Variants in VGLL4 observed in about 807,000 individuals in gnomAD.
The protein encoded by VGLL4 is transcription cofactor vestigial-like protein 4.
In VGLL4, 7 loss-of-function variants were observed where a neutral mutation model predicts 21.0. The ratio of observed to expected loss-of-function variants is 0.33; its 90% CI spans 0.19 to 0.63. VGLL4 has a LOEUF of 0.63. Among genes scored for constraint, VGLL4 ranks in the 20% least tolerant of loss-of-function variants. The pLI, the probability that VGLL4 is intolerant of heterozygous loss-of-function variation, is 0.78. For synonymous variants in VGLL4, 222 were observed against 173.2 expected, an observed-to-expected ratio of 1.28 and a Z score of -2.21; for missense variants, 394 against 425.7, an observed-to-expected ratio of 0.93 and a Z score of 0.66.
intron 2 of VGLL4, among the ~76,000 whole-genome samples, chr3:11,687,180 T>C (rs2076461081): frequency 1.3e-5 from 2 of 152,198 alleles, no homozygotes; most frequent in African/African-American, 4.8e-5. Flanking sequence ...CTCTTATCTT[T>C]CAAAATTTTT....
At chr3:11,567,047 C>T (rs573768273) in intron 2 of VGLL4, among the ~76,000 whole-genome samples, 10 of 152,212 alleles carry the variant, frequency 6.6e-5, no homozygotes, top group African/African-American at 1.9e-4. Flanking sequence ...AGTCGGTGAG[C>T]TGCTAAGGGC....
At chr3:11,714,359 T>A (rs1307913892) in intron 1 of VGLL4, among the ~76,000 whole-genome samples, 1 of 152,138 alleles carries the variant, frequency 6.6e-6, no homozygotes, top group Non-Finnish European at 1.5e-5. Context: ...CTGAGCAGAC[T>A]ACCAATTCCC....
chr3:11,709,560 A>G (rs1431637242), intron 1 of VGLL4, among the ~76,000 whole-genome samples: 5 of 151,300 alleles, frequency 3.3e-5, no homozygotes, highest in Non-Finnish European at 7.4e-5. Flanking sequence ...TTAATTCATC[A>G]TGAATAGACA....
At chr3:11,647,453 C>CA (rs1262150796), upstream of VGLL4, among the ~76,000 whole-genome samples, 2 of 152,144 alleles carry the variant, frequency 1.3e-5, no homozygotes, top group African/African-American at 4.8e-5. Flanking sequence ...AGTCCTTATC[C>CA]AAAATACTTG....
intron 1 of VGLL4, among the ~76,000 whole-genome samples, chr3:11,630,277 C>T (rs1218977237): frequency 6.6e-6 from 1 of 152,180 alleles, no homozygotes; most frequent in Admixed American, 6.5e-5. Flanking sequence ...CAATGAGCAA[C>T]ACCTTAATAT....
intron 1 of VGLL4, among the ~76,000 whole-genome samples, chr3:11,713,100 C>T (rs867709133): frequency 6.6e-6 from 1 of 152,134 alleles, no homozygotes; most frequent in Non-Finnish European, 1.5e-5. Context: ...CGAACAGGTA[C>T]AGTAGTAGGA....
intron 1 of VGLL4, among the ~76,000 whole-genome samples, chr3:11,635,153 G>T (rs772451778): frequency 3.1e-4 from 47 of 152,244 alleles, no homozygotes; most frequent in Non-Finnish European, 6.3e-4. Flanking sequence ...TCAGAGGACA[G>T]CAGATTAAGA....
At chr3:11,658,176 C>T (rs1023196278) in intron 2 of VGLL4, among the ~76,000 whole-genome samples, 1 of 152,162 alleles carries the variant, frequency 6.6e-6, no homozygotes, top group Non-Finnish European at 1.5e-5. Context: ...CTCAAGCGAC[C>T]CACCTGCCTT....
At chr3:11,680,313 T>C (rs1233950726) in intron 2 of VGLL4, among the ~76,000 whole-genome samples, 1 of 152,218 alleles carries the variant, frequency 6.6e-6, no homozygotes, top group Non-Finnish European at 1.5e-5. Context: ...CTCCCTGTTA[T>C]AACCATGAGC....
intron 1 of VGLL4, chr3:11,633,330 T>A (rs1015965513): frequency 6.6e-6 from 1 of 152,084 alleles, no homozygotes; most frequent in African/African-American, 2.4e-5. Flanking sequence ...ATGGCAGAAG[T>A]ATGCACAGCA....
intron 2 of VGLL4, among the ~76,000 whole-genome samples, chr3:11,676,819 G>A (rs971391838): frequency 1.3e-5 from 2 of 151,992 alleles, no homozygotes; most frequent in African/African-American, 4.8e-5. Flanking sequence ...AAAGGGTAAC[G>A]GATTAATAAG....
intron 2 of VGLL4, among the ~76,000 whole-genome samples, chr3:11,676,917 C>T (rs2076299398): frequency 6.6e-6 from 1 of 152,042 alleles, no homozygotes. Context: ...TGTATTTAAT[C>T]TATTCATTAA....
chr3:11,626,944 G>A (rs1033768458), intron 1 of VGLL4, among the ~76,000 whole-genome samples: 9 of 151,272 alleles, frequency 5.9e-5, no homozygotes, highest in African/African-American at 2.2e-4. Context: ...ATTTTAGATA[G>A]GGTGGCTGGG....
intron 1 of VGLL4, among the ~76,000 whole-genome samples, chr3:11,714,966 T>C (rs181000767): frequency 0.015 from 2,285 of 152,098 alleles, 26 homozygotes; most frequent in Non-Finnish European, 0.022. Context: ...AAACCCCGTC[T>C]CTATTAAAAA....
chr3:11,572,565 C>T (rs1304615201), intron 2 of VGLL4, among the ~76,000 whole-genome samples: 1 of 152,176 alleles, frequency 6.6e-6, no homozygotes, highest in African/African-American at 2.4e-5. Flanking sequence ...CTGGGGCATC[C>T]TCTGTTTTGT....
At chr3:11,563,090 A>G (rs917645682) in intron 3 of VGLL4, among the ~76,000 whole-genome samples, 3 of 152,242 alleles carry the variant, frequency 2.0e-5, no homozygotes, top group African/African-American at 7.2e-5. Context: ...TGAAGAGTCA[A>G]GGAAATAAAT....
chr3:11,665,742 G>C (rs149857150), intron 2 of VGLL4, among the ~76,000 whole-genome samples: 1 of 152,256 alleles, frequency 6.6e-6, no homozygotes, highest in Non-Finnish European at 1.5e-5. Context: ...CACTGTGCTA[G>C]GCACTGGAGA....
At chr3:11,657,952 G>GTCTT (rs1006821507) in intron 2 of VGLL4, among the ~76,000 whole-genome samples, 3 of 152,050 alleles carry the variant, frequency 2.0e-5, no homozygotes, top group Non-Finnish European at 4.4e-5. Flanking sequence ...TTGAGACAGG[G>GTCTT]TCTTGCTCTG....
intron 2 of VGLL4, among the ~76,000 whole-genome samples, chr3:11,691,162 T>C (rs1176872569): frequency 4.0e-5 from 6 of 151,120 alleles, no homozygotes; most frequent in East Asian, 1.9e-4. Flanking sequence ...CAGGTTGTTG[T>C]TGTTGTTGTT....
Sources: allele counts gnomAD v4.1 joint callset (sites outside exome capture counted in the v4.1 genomes callset), GRCh38; gene constraint gnomAD v4.1.1; transcripts MANE v1.5; gene names NCBI Gene and HGNC (gene_info 2026-07-23, HGNC 2026-07-21).